The following MIPOL1 variants were observed in gnomAD, a reference collection of about 807,000 sequenced individuals.
MIPOL1 encodes the protein mirror-image polydactyly gene 1 protein.
Under a neutral mutation model 60.9 loss-of-function variants are expected in MIPOL1, and 57 were observed. The ratio of observed to expected loss-of-function variants is 0.94; its 90% CI spans 0.76 to 1.17. The LOEUF is 1.17. MIPOL1 is among the 50% of genes most tolerant of loss of function. MIPOL1 has a pLI of 0.00. For missense variants in MIPOL1, 551 were observed against 511.6 expected (o/e 1.08, Z -0.74); for synonymous variants, 179 against 168.8 (o/e 1.06, Z -0.47).
intron 1 of MIPOL1, among the ~76,000 whole-genome samples, chr14:37,205,955 A>T (rs749700371): frequency 6.6e-6 from 1 of 152,164 alleles, no homozygotes. Context: ...ATTCGGTTTT[A>T]TAAGGGAAGC....
chr14:37,339,631 G>A (rs2090428215), intron 9 of MIPOL1, among the ~76,000 whole-genome samples: 2 of 152,120 alleles, frequency 1.3e-5, no homozygotes, highest in South Asian at 4.1e-4. Context: ...GCATGAAAAT[G>A]GAATACTATT....
At chr14:37,253,891 G>A (rs1371163103) in intron 3 of MIPOL1, among the ~76,000 whole-genome samples, 1 of 151,704 alleles carries the variant, frequency 6.6e-6, no homozygotes, top group African/African-American at 2.4e-5. Context: ...GCATCACAGA[G>A]TATTTTTATG....
At chr14:37,258,211 C>T (rs1975280617) in intron 3 of MIPOL1, among the ~76,000 whole-genome samples, 1 of 152,024 alleles carries the variant, frequency 6.6e-6, no homozygotes, top group South Asian at 2.1e-4. Context: ...AAATGAGTGG[C>T]ACATATAAAG....
intron 11 of MIPOL1, among the ~76,000 whole-genome samples, chr14:37,424,638 T>C (rs149203714): frequency 4.4e-4 from 67 of 152,342 alleles, no homozygotes; most frequent in African/African-American, 1.6e-3. Context: ...CTAATGCAGT[T>C]ATCAAACGTC....
chr14:37,391,421 G>C lies in MIPOL1; in HGVS notation c.936+21797G>C, dbSNP rs12880284. On this transcript the variant is annotated intron_variant, in intron 10 of 12. Transcript: ENST00000684589. ...CTAATCTTTTTTTTTTTTTGAGATA[G>C]AGTCTCACTCTGTCACCATGCTGGA... is the stretch of plus-strand genomic sequence containing the variant. Among the ~76,000 whole-genome samples, 456 of 138,552 alleles carry C rather than the reference G, an allele frequency of 3.3e-3. 3 individuals are homozygous for C. The highest frequency in any genetic ancestry group is 0.01 in the African/African-American group (387 of 37,136). 90.9% of individuals were successfully genotyped at this position (138,552 alleles called of 152,430 possible). A position where few individuals can be genotyped will look rare whatever the true frequency, so the allele number is the denominator to read the frequency against.
chr14:37,388,487 T>G (rs1042679952), intron 10 of MIPOL1, among the ~76,000 whole-genome samples: 15 of 130,364 alleles, frequency 1.2e-4, no homozygotes, highest in African/African-American at 3.0e-4. Context: ...TTTTTTTGTG[T>G]TTTTTTTTTT....
In MIPOL1 at chr14:37,549,803, C is replaced by T. The variant is rs1221692392; in HGVS notation, c.*2832C>T. On this transcript the variant is annotated 3_prime_UTR_variant, in exon 13 of 13. Coordinates refer to ENST00000684589, the MANE Select transcript of MIPOL1 (RefSeq NM_001388067.1). ...TAGTGGCAGTATGCTTTGCCTCAGC[C>T]TTCACTAATTAGGAATATTGTGACA... The T allele has an allele frequency of 1.3e-5, 2 of 151,906 alleles. No homozygotes were observed. The highest frequency in any genetic ancestry group is 1.3e-4 in the Admixed American group (2 of 15,252). 9.4% of individuals were successfully genotyped at this position (151,906 alleles called of 1,614,324 possible).
At chr14:37,249,862 T>G (rs1159100705) in intron 3 of MIPOL1, among the ~76,000 whole-genome samples, 3 of 152,160 alleles carry the variant, frequency 2.0e-5, no homozygotes, top group Non-Finnish European at 2.9e-5. Flanking sequence ...GCATCTGTTG[T>G]GTTTCTCATT....
intron 11 of MIPOL1, among the ~76,000 whole-genome samples, chr14:37,436,926 T>A (rs979941384): frequency 6.6e-6 from 1 of 152,236 alleles, no homozygotes; most frequent in East Asian, 1.9e-4. Flanking sequence ...TCTGCAAGGG[T>A]CAAAATTGAC....
chr14:37,285,506 A>T, intron 7 of MIPOL1, 59 bp downstream of exon 7: 3 of 1,538,562 alleles, frequency 1.9e-6, no homozygotes, highest in Non-Finnish European at 2.7e-6. Context: ...GGCATGCTTT[A>T]GGTGGTAGTT....
At chr14:37,338,425 T>C (rs1334425262) in intron 9 of MIPOL1, among the ~76,000 whole-genome samples, 4 of 129,948 alleles carry the variant, frequency 3.1e-5, no homozygotes, top group African/African-American at 8.7e-5. Context: ...TTTTTTTTTT[T>C]TGAGACAGAA....
At chr14:37,358,976 T>G (rs1272298582) in intron 9 of MIPOL1, among the ~76,000 whole-genome samples, 1 of 152,226 alleles carries the variant, frequency 6.6e-6, no homozygotes, top group Admixed American at 6.5e-5. Flanking sequence ...GGTCTAATAT[T>G]TAAGTCTTTA....
intron 3 of MIPOL1, among the ~76,000 whole-genome samples, chr14:37,263,365 T>C (rs2082645097): frequency 6.6e-6 from 1 of 152,240 alleles, no homozygotes; most frequent in African/African-American, 2.4e-5. Flanking sequence ...ACTAAGATTC[T>C]ATGCCTAGAT....
chr14:37,361,337 C>T (rs1162929181), intron 9 of MIPOL1, among the ~76,000 whole-genome samples: 1 of 152,130 alleles, frequency 6.6e-6, no homozygotes, highest in Non-Finnish European at 1.5e-5. Context: ...ATTAGGTCCC[C>T]TTGGTGCAGA....
chr14:37,372,925 T>G (rs1485759093), intron 10 of MIPOL1, among the ~76,000 whole-genome samples: 1 of 152,122 alleles, frequency 6.6e-6, no homozygotes, highest in Non-Finnish European at 1.5e-5. Flanking sequence ...CAGCTTATTT[T>G]CTTGTTTAAA....
intron 10 of MIPOL1, among the ~76,000 whole-genome samples, chr14:37,421,737 AATT>A (rs1448619176): frequency 3.9e-5 from 6 of 152,046 alleles, no homozygotes; most frequent in Admixed American, 2.6e-4. Flanking sequence ...ATGCTTTTAA[AATT>A]ATTATCAAAA....
intron 7 of MIPOL1, among the ~76,000 whole-genome samples, chr14:37,287,500 C>A (rs942607318): frequency 6.6e-6 from 1 of 152,188 alleles, no homozygotes; most frequent in East Asian, 1.9e-4. Flanking sequence ...GTGATCCTCT[C>A]ACCTTGGCCT....
intron 11 of MIPOL1, among the ~76,000 whole-genome samples, chr14:37,431,663 C>T (rs1287795944): frequency 7.4e-6 from 1 of 135,412 alleles, no homozygotes; most frequent in Admixed American, 8.7e-5. Context: ...ACTGCAAGCT[C>T]CACCTCCCAG....
chr14:37,318,288 G>A (rs779667256), intron 9 of MIPOL1, among the ~76,000 whole-genome samples: 13 of 152,098 alleles, frequency 8.5e-5, no homozygotes, highest in Non-Finnish European at 1.5e-4. Context: ...ATAGTGTCTA[G>A]CATGTAATAG....
Sources: gnomAD v4.1 joint callset for allele counts (sites outside exome capture counted in the v4.1 genomes callset) on GRCh38, gnomAD v4.1.1 for gene constraint, MANE v1.5 for transcripts, NCBI Gene and HGNC (gene_info 2026-07-23, HGNC 2026-07-21) for gene names.